The following WNT2B variants were observed in gnomAD, a reference collection of about 807,000 sequenced individuals.
The protein encoded by WNT2B is Wnt family member 2B.
In WNT2B, 19 loss-of-function variants were observed where a neutral mutation model predicts 40.5. The ratio of observed to expected loss-of-function variants is 0.47; its 90% CI spans 0.33 to 0.69. The LOEUF (loss-of-function observed/expected upper bound fraction) is 0.69, where lower values mean the gene tolerates loss of function less well. WNT2B is among the 30% of genes least tolerant of loss of function. The probability of loss-of-function intolerance (pLI) is 0.02; values close to 1 mark genes in which losing one functional copy is unlikely to be tolerated. For synonymous variants in WNT2B, 220 were observed against 211.9 expected, an observed-to-expected ratio of 1.04 and a Z score of -0.33; for missense variants, 467 against 556.4, an observed-to-expected ratio of 0.84 and a Z score of 1.62.
At chr1:112,517,976 ACCAAT>A (rs1291399842) in intron 4 of WNT2B, 1 of 152,756 alleles carries the variant, frequency 6.5e-6, no homozygotes, top group African/African-American at 2.4e-5. Flanking sequence ...CAGAGAACAG[ACCAAT>A]CTGCTGGGTA....
At chr1:112,499,816 A>G (rs111909307) in intron 1 of WNT2B, among the ~76,000 whole-genome samples, 13 of 152,332 alleles carry the variant, frequency 8.5e-5, no homozygotes, top group African/African-American at 3.1e-4. Context: ...ATCATCCAAC[A>G]ATCATATATT....
chr1:112,493,207 T>C (rs1009064643), intron 1 of WNT2B, among the ~76,000 whole-genome samples: 2 of 152,218 alleles, frequency 1.3e-5, no homozygotes, highest in Non-Finnish European at 2.9e-5. Flanking sequence ...CAAGAAATGC[T>C]AGAGATCCTG....
Position 112,523,257 on chromosome 1 carries a change from A to T in WNT2B, c.*2748A>T, listed in dbSNP as rs1447868817. 6.6e-6 allele frequency: 1 copy of T among 152,184 alleles called. No individual in the cohort carries two copies. The highest frequency in any genetic ancestry group is 2.4e-5 in the African/African-American group (1 of 41,434). The allele number at this position is 152,184 out of a possible 1,614,324, so 9.4% of individuals were successfully genotyped here. On this transcript the variant is annotated 3_prime_UTR_variant, in exon 5 of 5. Coordinates refer to ENST00000369684, the MANE Select transcript of WNT2B (RefSeq NM_024494.3). ...TGCTTTTCCTTGGGCTCCAAATTCT[A>T]GCTCATAAAGATGCAAGTTTTGCAA...
rs551268339 is a variant in WNT2B at position 112,498,144 on chromosome 1, G to A, written c.-94-16730G>A. On this transcript the variant is annotated intron_variant, in intron 1 of 4. Coordinates refer to the WNT2B transcript ENST00000256640. The stretch of plus-strand genomic sequence containing the variant: ...CCTTGTGTCCAACTCCCACTTATGA[G>A]TGAGAACATGCAGTGTTTGTTTTTC... 3.3e-5 allele frequency among the ~76,000 whole-genome samples: 5 copies of A among 151,536 alleles called. No individual in the cohort carries two copies. The South Asian group carries it at 1.0e-3, about 32-fold the overall frequency.
In WNT2B at chr1:112,509,098, C is replaced by T. The variant is rs1447236694; in HGVS notation, c.-165C>T. 10 of 1,358,044 alleles carry T rather than the reference C, an allele frequency of 7.4e-6. No homozygotes were observed. The highest frequency in any genetic ancestry group is 8.5e-6 in the Non-Finnish European group (9 of 1,063,956). The allele number at this position is 1,358,044 out of a possible 1,614,324, so 84.1% of individuals were successfully genotyped here. A position where few individuals can be genotyped will look rare whatever the true frequency, so the allele number is the denominator to read the frequency against. ...CGGACATCGCAACTTGCGCCCCTCTCGGGGATCCTCCTCCCGGGCTCTGGA... is the reference window on the plus strand; with the variant it reads ...CGGACATCGCAACTTGCGCCCCTCTTGGGGATCCTCCTCCCGGGCTCTGGA... On this transcript the variant is annotated 5_prime_UTR_variant, in exon 1 of 5. Transcript: ENST00000369684. This position sits in a 1 kb window ranked among gnomAD's most constrained non-coding sequence, Gnocchi z 4.2.
chr1:112,488,558 T>G (rs1330420388), intron 1 of WNT2B, among the ~76,000 whole-genome samples: 2 of 151,352 alleles, frequency 1.3e-5, no homozygotes, highest in African/African-American at 4.8e-5. Context: ...TTACTGTTTT[T>G]TTTTTTTTTT....
Position 112,520,475 on chromosome 1 carries a change from C to A in WNT2B, c.1142C>A (p.Ala381Asp), listed in dbSNP as rs761344062. The change falls in exon 5 of 5, where the codon GCC becomes GAC. Residue 381 changes from alanine (A) to aspartate (D), a missense_variant. Physicochemically the swap from Ala to Asp is moderately radical, Grantham distance 126. Around this residue, in one of 2 missense-constraint regions of WNT2B, gnomAD observed 330 missense variants for 438.6 expected, o/e 0.75. Coordinates refer to ENST00000369684, the MANE Select transcript of WNT2B (RefSeq NM_024494.3). ...ACTGTGGACGTCCATACTTGCAAAG[C>A]CCCCAAGAAGGCAGAGTGGCTGGAC... ...RNTVDVHTCK[A>D]PKKAEWLDQT The A allele has an allele frequency of 6.2e-7, 1 of 1,614,172 alleles. No individual in the cohort carries two copies. Among genetic ancestry groups the A allele is most frequent in the Non-Finnish European group, 8.5e-7 (1 of 1,180,018 alleles).
intron 4 of WNT2B, 34 bp downstream of exon 4, chr1:112,517,419 C>G (rs766123846): frequency 6.3e-7 from 1 of 1,575,652 alleles, no homozygotes; most frequent in South Asian, 1.2e-5. Flanking sequence ...ACATGCAGTC[C>G]CAGTTCTTAG....
At chr1:112,478,678 T>C (rs1200268541) in intron 1 of WNT2B, among the ~76,000 whole-genome samples, 1 of 152,124 alleles carries the variant, frequency 6.6e-6, no homozygotes, top group Admixed American at 6.5e-5. Flanking sequence ...CCCAGCATTT[T>C]GGAAGGCTGA....
intron 1 of WNT2B, among the ~76,000 whole-genome samples, chr1:112,478,900 G>C (rs1309563073): frequency 6.6e-6 from 1 of 152,072 alleles, no homozygotes; most frequent in African/African-American, 2.4e-5. Context: ...TCTAGCTTGG[G>C]CAACAGAGCA....
At chr1:112,496,865 G>A (rs1570778581) in intron 1 of WNT2B, among the ~76,000 whole-genome samples, 1 of 152,298 alleles carries the variant, frequency 6.6e-6, no homozygotes, top group African/African-American at 2.4e-5. Context: ...CTCCCAAAGT[G>A]CTGGATTACA....
chr1:112,470,317 G>A (rs573055568), intron 1 of WNT2B, among the ~76,000 whole-genome samples: 4 of 152,202 alleles, frequency 2.6e-5, no homozygotes, highest in South Asian at 4.1e-4. Context: ...AGCGGGGTGC[G>A]ATGGCTCACC....
rs1270477568 is a variant in WNT2B, at chr1:112,517,222, A to G, written c.783A>G (p.Thr261=). 3 of 1,614,106 alleles carry G rather than the reference A, an allele frequency of 1.9e-6. No individual in the cohort carries two copies. The highest frequency in any genetic ancestry group is 2.7e-5 in the African/African-American group (2 of 74,934). The change falls in exon 4 of 5, where the codon ACA becomes ACG. Residue 261 remains threonine, a synonymous_variant. Transcript: ENST00000369684. The part of the protein sequence containing the change: ...CWRALSDFRR[T]GDYLRRRYDG... ...GTGCACTCTCAGATTTCCGCCGCAC[A>G]GGTGATTACCTGCGGCGACGCTATG...
At chr1:112,498,747 G>A (rs1314582764) in intron 1 of WNT2B, among the ~76,000 whole-genome samples, 6 of 152,062 alleles carry the variant, frequency 3.9e-5, no homozygotes, top group Non-Finnish European at 7.4e-5. Context: ...CAGCATTCTG[G>A]TCATGATCAC....
chr1:112,512,605 C>G (rs967348005), intron 1 of WNT2B, among the ~76,000 whole-genome samples: 1 of 152,220 alleles, frequency 6.6e-6, no homozygotes, highest in Non-Finnish European at 1.5e-5. Flanking sequence ...AAGTGAAGAA[C>G]TTCCAGAAGG....
intron 4 of WNT2B, among the ~76,000 whole-genome samples, chr1:112,518,910 T>C (rs918026454): frequency 6.6e-6 from 1 of 152,196 alleles, no homozygotes; most frequent in South Asian, 2.1e-4. Context: ...TCCAATACAG[T>C]AGCAACTAGC....
upstream of WNT2B, among the ~76,000 whole-genome samples, chr1:112,506,144 C>A (rs1166859018): frequency 3.3e-5 from 5 of 152,210 alleles, no homozygotes; most frequent in African/African-American, 1.2e-4. Flanking sequence ...GTAGCTGGGA[C>A]CACAGGTGTG....
At chr1:112,474,889 C>T (rs1160205749) in intron 1 of WNT2B, among the ~76,000 whole-genome samples, 1 of 151,860 alleles carries the variant, frequency 6.6e-6, no homozygotes, top group Non-Finnish European at 1.5e-5. Flanking sequence ...TGTAGCAATC[C>T]CCCACACACA....
At chr1:112,513,534 G>A (rs781016627) in intron 1 of WNT2B, among the ~76,000 whole-genome samples, 8 of 150,624 alleles carry the variant, frequency 5.3e-5, no homozygotes, top group Non-Finnish European at 1.2e-4. Flanking sequence ...AGGGCCGGCT[G>A]TGGGAATGCA....
Sources: gnomAD v4.1 joint callset for allele counts (sites outside exome capture counted in the v4.1 genomes callset) on GRCh38, gnomAD v4.1.1 for gene constraint, gnomAD v4.1.1 regional missense constraint, Gnocchi (gnomAD v3.1) non-coding constraint, MANE v1.5 for transcripts, NCBI Gene and HGNC (gene_info 2026-07-23, HGNC 2026-07-21) for gene names.